SLC6A4: variants seen among roughly 807,000 people sequenced by gnomAD.
SLC6A4 encodes sodium-dependent serotonin transporter.
In SLC6A4, 22 loss-of-function variants were observed where a neutral mutation model predicts 73.4. The ratio of observed to expected loss-of-function variants is 0.30; its 90% CI spans 0.21 to 0.43. The LOEUF (loss-of-function observed/expected upper bound fraction) is 0.43. Among genes scored for constraint, SLC6A4 ranks in the 20% least tolerant of loss-of-function variants. The pLI is 1.00. For missense variants in SLC6A4, 593 were observed against 808.5 expected (o/e 0.73, Z 3.23); for synonymous variants, 270 against 315.5 (o/e 0.86, Z 1.53).
At chr17:30,220,431 C>T (rs1281366981) in intron 3 of SLC6A4, among the ~76,000 whole-genome samples, 1 of 152,156 alleles carries the variant, frequency 6.6e-6, no homozygotes, top group Non-Finnish European at 1.5e-5. Flanking sequence ...TTATAATCTA[C>T]AAGTTAACTA....
At chr17:30,208,830 T>G (rs1385225845) in intron 12 of SLC6A4, among the ~76,000 whole-genome samples, 1 of 151,908 alleles carries the variant, frequency 6.6e-6, no homozygotes, top group Non-Finnish European at 1.5e-5. Context: ...TAGCTGAGAT[T>G]ACAGGCTTGC....
rs201276840 is a variant in SLC6A4 at position 30,209,249 on chromosome 17, G to A, written c.1450-7C>T. The A allele has an allele frequency of 4.1e-5, 66 of 1,596,814 alleles. No homozygotes were observed. In the African/African-American group the frequency reaches 6.7e-4, roughly 16 times the overall value. ...TCACCACGTAGGCCCCTCCCTGGAG[G>A]GGAGAGCAGAGCCTGGGTGAGGGCC... is the stretch of plus-strand genomic sequence containing the variant. On this transcript the variant is annotated splice_polypyrimidine_tract_variant and splice_region_variant and intron_variant, in intron 11 of 14. Coordinates refer to ENST00000650711, the MANE Select transcript of SLC6A4 (RefSeq NM_001045.6).
At chr17:30,200,144 C>T (rs1053038966) in intron 14 of SLC6A4, among the ~76,000 whole-genome samples, 5 of 152,212 alleles carry the variant, frequency 3.3e-5, no homozygotes, top group African/African-American at 7.2e-5. Context: ...GGGCAAGGCC[C>T]GCAATGAACG....
In SLC6A4 at chr17:30,221,601, G is replaced by A; in HGVS notation, c.343+15C>T. The A allele has an allele frequency of 6.2e-7, 1 of 1,605,804 alleles. No individual in the cohort carries two copies. On this transcript the variant is annotated intron_variant, in intron 3 of 14. Coordinates refer to ENST00000650711, the MANE Select transcript of SLC6A4 (RefSeq NM_001045.6). ...CCCTGGGTCACAGCCTCTACTCGCA[G>A]CCTGTGATACTGACCCCCTCCATTC...
At position 30,210,367 on chromosome 17, in the gene SLC6A4, T is replaced by C. The variant is rs140647173; in HGVS notation, c.1449+148A>G. ...AAGAAACAACTTTTCTTCTCCTTGA[T>C]GACAAACCTTTTAATGGGAGTAACA... On this transcript the variant is annotated intron_variant, in intron 11 of 14. Transcript: ENST00000650711. The C allele has an allele frequency of 2.4e-3, 1,887 of 770,818 alleles. 10 individuals are homozygous for C. Among genetic ancestry groups the C allele is most frequent in the Non-Finnish European group, 2.0e-3 (1,042 of 512,084 alleles). 47.7% of individuals were successfully genotyped at this position (770,818 alleles called of 1,614,324 possible).
intron 1 of SLC6A4, among the ~76,000 whole-genome samples, chr17:30,231,425 G>A (rs1907111862): frequency 6.6e-6 from 1 of 150,766 alleles, no homozygotes; most frequent in Non-Finnish European, 1.5e-5. Flanking sequence ...GTATCTGTAT[G>A]TACATATGTA....
At position 30,211,163 on chromosome 17, in the gene SLC6A4, C is replaced by A; in HGVS notation, c.1317+149G>T. On this transcript the variant is annotated intron_variant, in intron 10 of 14. Transcript: ENST00000650711. The surrounding 1 kb of genome is among the most constrained non-coding windows in gnomAD (Gnocchi z 4.0). ...GAATGTACCAGAGGGTGGTAAATGC[C>A]GAGGAGTCAGCCGGGGGTCTGGAGC... 1.6e-6 allele frequency: 1 copy of A among 612,852 alleles called. No homozygotes were observed. Among genetic ancestry groups the A allele is most frequent in the Non-Finnish European group, 2.9e-6 (1 of 342,554 alleles). The allele number at this position is 612,852 out of a possible 1,614,324, so 38.0% of individuals were successfully genotyped here.
chr17:30,215,855 C>T (rs1906555992), intron 7 of SLC6A4, 141 bp from the exon 8 acceptor site: 2 of 787,178 alleles, frequency 2.5e-6, no homozygotes, highest in Non-Finnish European at 2.1e-6. Context: ...CCAGGCATAG[C>T]CATAAACCAA....
intron 1 of SLC6A4, among the ~76,000 whole-genome samples, chr17:30,226,869 T>C (rs1906941575): frequency 3.4e-5 from 1 of 29,834 alleles, no homozygotes; most frequent in African/African-American, 1.1e-3. Flanking sequence ...TGAGACTCTG[T>C]CTCAAAAAAA....
intron 1 of SLC6A4, among the ~76,000 whole-genome samples, chr17:30,223,878 A>G (rs1355111673): frequency 6.6e-6 from 1 of 151,668 alleles, no homozygotes; most frequent in Non-Finnish European, 1.5e-5. Context: ...TTCGGCCCTC[A>G]ACTAGGCTTG....
chr17:30,235,247 G>T lies in SLC6A4; in HGVS notation c.-221+366C>A, dbSNP rs1011513835. On this transcript the variant is annotated intron_variant, in intron 1 of 14. Coordinates refer to ENST00000650711, the MANE Select transcript of SLC6A4 (RefSeq NM_001045.6). The surrounding 1 kb of genome is among the most constrained non-coding windows in gnomAD (Gnocchi z 4.5). Reference sequence around the variant, plus strand: ...TCAAACATAAACCATGGGTTGAAACGAAAGCAAGCAACTCTTCCCAAAGCG... The same window carrying T: ...TCAAACATAAACCATGGGTTGAAACTAAAGCAAGCAACTCTTCCCAAAGCG... 1.3e-5 allele frequency among the ~76,000 whole-genome samples: 2 copies of T among 152,158 alleles called. No homozygotes were observed. The highest frequency in any genetic ancestry group is 2.9e-5 in the Non-Finnish European group (2 of 68,012).
rs1190533229 is a variant in SLC6A4, at chr17:30,230,094, AAGAGGAG to A, written c.-221+5512_-221+5518del. Among the ~76,000 whole-genome samples, 3 of 122,888 alleles carry A rather than the reference AAGAGGAG, an allele frequency of 2.4e-5. No homozygotes were observed. The East Asian group carries it at 6.2e-4, about 25-fold the overall frequency. The allele number at this position is 122,888 out of a possible 152,430, so 80.6% of individuals were successfully genotyped here. A position where few individuals can be genotyped will look rare whatever the true frequency, so the allele number is the denominator to read the frequency against. Reference sequence around the variant, plus strand: ...GAAGAAGAAGAAGAAGAAGAAGAAGAAGAGGAGGAAGAGGAAGAGGAAGAGGAAGAGG... The same window carrying A: ...GAAGAAGAAGAAGAAGAAGAAGAAGAGAAGAGGAAGAGGAAGAGGAAGAGG... On this transcript the variant is annotated intron_variant, in intron 1 of 14. Coordinates refer to ENST00000650711, the MANE Select transcript of SLC6A4 (RefSeq NM_001045.6).
chr17:30,211,352 A>G lies in SLC6A4; in HGVS notation c.1277T>C (p.Ile426Thr). The change falls in exon 10 of 15, where the codon ATC becomes ACC. Residue 426 changes from isoleucine (I) to threonine (T), a missense_variant. Coordinates refer to ENST00000650711, the MANE Select transcript of SLC6A4 (RefSeq NM_001045.6). The surrounding 1 kb of genome is among the most constrained non-coding windows in gnomAD (Gnocchi z 4.0). ...NMPASTFFAI[I>T]FFLMLITLGL... Reference sequence around the variant, plus strand: ...CAGCGTGATTAACATCAGAAAGAAGATGATGGCAAAGAAAGTGGACGCTGG... The same window carrying G: ...CAGCGTGATTAACATCAGAAAGAAGGTGATGGCAAAGAAAGTGGACGCTGG... The G allele has an allele frequency of 6.2e-7, 1 of 1,613,608 alleles. No homozygotes were observed. Among genetic ancestry groups the G allele is most frequent in the Non-Finnish European group, 8.5e-7 (1 of 1,179,614 alleles).
intron 5 of SLC6A4, 52 bp downstream of exon 5, chr17:30,218,066 C>G: frequency 6.8e-7 from 1 of 1,481,002 alleles, no homozygotes; most frequent in Non-Finnish European, 9.4e-7. Context: ...AGCCAAACCC[C>G]AGGGGTGTGG....
chr17:30,233,660 C>T (rs1298515585), intron 1 of SLC6A4, among the ~76,000 whole-genome samples: 7 of 152,146 alleles, frequency 4.6e-5, no homozygotes, highest in Non-Finnish European at 8.8e-5. Context: ...CTGAGGACCA[C>T]GAGGAGCTGA....
chr17:30,216,368 G>T, intron 6 of SLC6A4, 152 bp from the exon 7 acceptor site: 1 of 580,314 alleles, frequency 1.7e-6, no homozygotes, highest in South Asian at 2.2e-5. Flanking sequence ...TGAGAAAGGA[G>T]GGCGAGGTGG....
chr17:30,210,455 C>T lies in SLC6A4; in HGVS notation c.1449+60G>A, dbSNP rs1022326871. On this transcript the variant is annotated intron_variant, in intron 11 of 14. Transcript: ENST00000650711. ...TGAGATGGAAGGAGACGAACAGCTT[C>T]CTGTAGCGTTCTGCTGCCCTAGGGG... is the stretch of plus-strand genomic sequence containing the variant. The T allele has an allele frequency of 3.8e-6, 6 of 1,560,202 alleles. No individual in the cohort carries two copies. The Admixed American group carries it at 5.4e-5, about 14-fold the overall frequency.
chr17:30,212,131 T>C (rs1906406539), intron 9 of SLC6A4, among the ~76,000 whole-genome samples: 1 of 151,912 alleles, frequency 6.6e-6, no homozygotes. Flanking sequence ...TAAAATAGAG[T>C]GGTCATATTG....
chr17:30,213,764 T>C (rs930284667), intron 8 of SLC6A4, among the ~76,000 whole-genome samples: 1 of 149,744 alleles, frequency 6.7e-6, no homozygotes, highest in Non-Finnish European at 1.5e-5. Context: ...TATTTATTTT[T>C]GAGATAGGGT....
Sources: gnomAD v4.1 joint callset for allele counts (sites outside exome capture counted in the v4.1 genomes callset) on GRCh38, gnomAD v4.1.1 for gene constraint, Gnocchi (gnomAD v3.1) non-coding constraint, MANE v1.5 for transcripts, NCBI Gene and HGNC (gene_info 2026-07-23, HGNC 2026-07-21) for gene names.